TASOR: variants seen among roughly 807,000 people sequenced by gnomAD.
TASOR encodes protein TASOR.
A neutral mutation model predicts 178.6 loss-of-function variants in TASOR; 53 were observed. The observed-to-expected ratio is 0.30, with a 90% CI of 0.24 to 0.37. TASOR has a LOEUF of 0.37. Among genes scored for constraint, TASOR ranks in the 10% least tolerant of loss-of-function variants. The probability of loss-of-function intolerance (pLI) is 1.00; values close to 1 mark genes in which losing one functional copy is unlikely to be tolerated. For synonymous variants in TASOR, 713 were observed against 696.2 expected (o/e 1.02, Z -0.38); for missense variants, 1,815 against 1,971.4 (o/e 0.92, Z 1.50).
At chr3:56,682,410 C>T (rs905157058) in intron 1 of TASOR, among the ~76,000 whole-genome samples, 1 of 152,116 alleles carries the variant, frequency 6.6e-6, no homozygotes, top group African/African-American at 2.4e-5. Context: ...CATCTTTCCT[C>T]TCTGGGAGCT....
At chr3:56,623,935 T>C (rs2076743029) in intron 23 of TASOR, 1 of 983,044 alleles carries the variant, frequency 1.0e-6, no homozygotes, top group African/African-American at 1.7e-5. Flanking sequence ...AACTAGTTGG[T>C]TAGCACTAAA....
chr3:56,633,927 G>A lies in TASOR; in HGVS notation c.2864C>T (p.Pro955Leu). ...GGGGTCGTTAGGAAAGGCCTCCTGT[G>A]GTGGCACACACACCAGTTGTTCTTC... is the stretch of plus-strand genomic sequence containing the variant. ...SPEEQLVCVPPQEAFPNDPRV... is the reference protein window; with the variant it reads ...SPEEQLVCVPLQEAFPNDPRV... Residue 955 changes from proline to leucine, a missense_variant, in exon 18 of 24, where the codon CCA becomes CTA. This residue lies in a region of TASOR where 655 missense variants were observed against 671.1 expected (regional missense o/e 0.98). Coordinates refer to ENST00000683822, the MANE Select transcript of TASOR (RefSeq NM_001365635.2). The A allele has an allele frequency of 6.4e-7, 1 of 1,557,700 alleles. No homozygotes were observed. Among genetic ancestry groups the A allele is most frequent in the Non-Finnish European group, 8.7e-7 (1 of 1,150,230 alleles).
chr3:56,673,165 G>A (rs1284364144), intron 2 of TASOR, among the ~76,000 whole-genome samples: 1 of 152,128 alleles, frequency 6.6e-6, no homozygotes, highest in African/African-American at 2.4e-5. Flanking sequence ...AAGATTTTCA[G>A]TTAAAAAGTT....
intron 21 of TASOR, 147 bp from the exon 22 acceptor site, chr3:56,625,153 GCTT>G (rs1319354822): frequency 1.4e-6 from 1 of 726,412 alleles, no homozygotes; most frequent in Non-Finnish European, 2.2e-6. Context: ...TAGGGGGTGT[GCTT>G]CTTTGGAAAG....
chr3:56,671,754 TTTTA>T, intron 2 of TASOR, 62 bp from the exon 3 acceptor site: 1 of 1,290,012 alleles, frequency 7.8e-7, no homozygotes, highest in Non-Finnish European at 1.1e-6. Flanking sequence ...AAGCTACAAG[TTTTA>T]TTTTTTTTTC....
chr3:56,626,977 AAT>A, intron 21 of TASOR, 58 bp downstream of exon 21: 1 of 1,033,370 alleles, frequency 9.7e-7, no homozygotes, highest in Non-Finnish European at 1.5e-6. Flanking sequence ...GGAAGAGAGA[AAT>A]ATTATGAGTA....
chr3:56,668,344 T>C, intron 6 of TASOR, 53 bp downstream of exon 6: 5 of 1,508,794 alleles, frequency 3.3e-6, no homozygotes, highest in Non-Finnish European at 3.6e-6. Context: ...TTTAAAGGAT[T>C]TGGTAACAAA....
intron 3 of TASOR, among the ~76,000 whole-genome samples, chr3:56,670,805 G>C (rs1339298418): frequency 1.3e-5 from 2 of 151,368 alleles, no homozygotes; most frequent in African/African-American, 4.9e-5. Flanking sequence ...GGGTGCGGTG[G>C]CGTGTCCTGT....
At chr3:56,674,383 G>A (rs2031072039) in intron 1 of TASOR, among the ~76,000 whole-genome samples, 1 of 151,414 alleles carries the variant, frequency 6.6e-6, no homozygotes, top group Non-Finnish European at 1.5e-5. Flanking sequence ...GGTGGTGCAT[G>A]CCTGTAGTAC....
chr3:56,676,482 G>A (rs2031310027), intron 1 of TASOR, among the ~76,000 whole-genome samples: 1 of 152,126 alleles, frequency 6.6e-6, no homozygotes, highest in Non-Finnish European at 1.5e-5. Context: ...GAAAAACTTG[G>A]CAAGGAAAGC....
At chr3:56,624,667 T>C (rs1016646021) in intron 22 of TASOR, 24 bp from the exon 23 acceptor site, 6 of 1,597,224 alleles carry the variant, frequency 3.8e-6, no homozygotes, top group Admixed American at 3.5e-5. Context: ...AAAAGTTTCA[T>C]GTATGAAACA....
At chr3:56,663,908 T>C in intron 7 of TASOR, 4 of 959,800 alleles carry the variant, frequency 4.2e-6, no homozygotes, top group Non-Finnish European at 5.0e-6. Context: ...TATATAAATA[T>C]ATTAATTCAT....
intron 5 of TASOR, among the ~76,000 whole-genome samples, chr3:56,669,233 G>C (rs1043053177): frequency 6.6e-6 from 1 of 152,156 alleles, no homozygotes; most frequent in Non-Finnish European, 1.5e-5. Flanking sequence ...GCCAGGCGCA[G>C]TGGCTCATGC....
intron 14 of TASOR, among the ~76,000 whole-genome samples, chr3:56,642,425 G>C (rs547965593): frequency 6.6e-6 from 1 of 152,296 alleles, no homozygotes; most frequent in African/African-American, 2.4e-5. Flanking sequence ...AACTTGTAAA[G>C]GGCGCAAACA....
At position 56,623,013 on chromosome 3, in the gene TASOR, C is replaced by T; in HGVS notation, c.*24G>A. 1 of 1,429,392 alleles carries T rather than the reference C, an allele frequency of 7.0e-7. No individual in the cohort carries two copies. Among genetic ancestry groups the T allele is most frequent in the Non-Finnish European group, 9.3e-7 (1 of 1,069,876 alleles). The allele number at this position is 1,429,392 out of a possible 1,614,324, so 88.5% of individuals were successfully genotyped here. ...GTTAATAAACAAAGTCCACAACAAT[C>T]TCTTAAAAAAAAAGTTACTACAGTT... is the stretch of plus-strand genomic sequence containing the variant. On this transcript the variant is annotated 3_prime_UTR_variant, in exon 24 of 24. Coordinates refer to ENST00000683822, the MANE Select transcript of TASOR (RefSeq NM_001365635.2).
chr3:56,673,503 T>G (rs1236240656), intron 2 of TASOR, 77 bp downstream of exon 2: 2 of 1,214,290 alleles, frequency 1.6e-6, no homozygotes, highest in African/African-American at 3.2e-5. Context: ...ATTTTAGTAT[T>G]TCTAGAGAAC....
chr3:56,638,328 TG>T (rs1309214338), intron 17 of TASOR, among the ~76,000 whole-genome samples: 2 of 152,158 alleles, frequency 1.3e-5, no homozygotes, highest in Non-Finnish European at 2.9e-5. Flanking sequence ...GTCACGCCAC[TG>T]CACTCCAGCC....
intron 1 of TASOR, among the ~76,000 whole-genome samples, chr3:56,679,384 G>T (rs1273636152): frequency 6.6e-6 from 1 of 152,208 alleles, no homozygotes; most frequent in African/African-American, 2.4e-5. Context: ...TTGGACTGAG[G>T]ATAGCTCAAA....
intron 11 of TASOR, among the ~76,000 whole-genome samples, chr3:56,650,647 T>C (rs531105395): frequency 1.3e-5 from 2 of 152,320 alleles, no homozygotes; most frequent in East Asian, 3.9e-4. Flanking sequence ...GTAAACTTTG[T>C]TGTAAGGTTT....
Sources: allele counts gnomAD v4.1 joint callset (sites outside exome capture counted in the v4.1 genomes callset), GRCh38; gene constraint gnomAD v4.1.1; regional missense constraint gnomAD v4.1.1; transcripts MANE v1.5; gene names NCBI Gene and HGNC (gene_info 2026-07-23, HGNC 2026-07-21).